Variants in MBTPS1 observed in about 807,000 individuals in gnomAD.
MBTPS1 encodes membrane bound transcription factor peptidase, site 1, also known as membrane-bound transcription factor site-1 protease.
MBTPS1 carries 94 observed loss-of-function variants against 127.8 expected under a neutral mutation model. The ratio of observed to expected loss-of-function variants is 0.74; its 90% CI spans 0.62 to 0.87. MBTPS1 has a LOEUF of 0.87. Ranked by LOEUF, MBTPS1 falls within the 40% of genes least tolerant of loss-of-function variation. MBTPS1 has a pLI of 0.00. For synonymous variants in MBTPS1, 632 were observed against 509.4 expected (o/e 1.24, Z -3.24); for missense variants, 1,636 against 1,353.2 (o/e 1.21, Z -3.28).
chr16:84,107,564 C>G (rs942060252), intron 1 of MBTPS1, among the ~76,000 whole-genome samples: 6 of 152,088 alleles, frequency 3.9e-5, no homozygotes, highest in Non-Finnish European at 8.8e-5. Flanking sequence ...GTTTCCCAAT[C>G]CTAGAATAAG....
chr16:84,077,260 AAAAGAAAAGAAAG>A (rs2085871911), intron 11 of MBTPS1, among the ~76,000 whole-genome samples: 1 of 148,300 alleles, frequency 6.7e-6, no homozygotes, highest in African/African-American at 2.5e-5. Context: ...AGAGAGAGAG[AAAAGAAAAGAAAG>A]AAAGAAAAGA....
At chr16:84,098,959 C>G in intron 3 of MBTPS1, 94 bp downstream of exon 3, 1 of 1,194,968 alleles carries the variant, frequency 8.4e-7, no homozygotes, top group Non-Finnish European at 1.2e-6. Flanking sequence ...TGGAAGGATG[C>G]GGATACTCAC....
At chr16:84,061,483 G>C (rs899553603) in intron 19 of MBTPS1, 1 of 152,410 alleles carries the variant, frequency 6.6e-6, no homozygotes, top group African/African-American at 2.4e-5. Context: ...AGAAGGGCCT[G>C]AGAGCGGGGT....
At chr16:84,091,343 G>A (rs1290873775) in intron 7 of MBTPS1, among the ~76,000 whole-genome samples, 4 of 152,082 alleles carry the variant, frequency 2.6e-5, no homozygotes, top group East Asian at 3.9e-4. Flanking sequence ...AAAATTAGCC[G>A]GGCATGGTGG....
At chr16:84,094,732 A>G (rs1440900209) in intron 4 of MBTPS1, among the ~76,000 whole-genome samples, 2 of 152,240 alleles carry the variant, frequency 1.3e-5, no homozygotes, top group East Asian at 3.8e-4. Context: ...TCTCATGACT[A>G]GAAAATTTGT....
At chr16:84,073,840 A>C (rs1212417185) in intron 12 of MBTPS1, among the ~76,000 whole-genome samples, 1 of 152,136 alleles carries the variant, frequency 6.6e-6, no homozygotes, top group Non-Finnish European at 1.5e-5. Context: ...CCCTGTCTCC[A>C]CTAAAAATGC....
intron 2 of MBTPS1, among the ~76,000 whole-genome samples, chr16:84,100,244 T>C (rs890801442): frequency 1.3e-5 from 2 of 151,514 alleles, no homozygotes; most frequent in African/African-American, 4.9e-5. Context: ...AAACAAAAAA[T>C]AAAAAAATTA....
intron 8 of MBTPS1, among the ~76,000 whole-genome samples, chr16:84,088,400 GAACGA>G (rs1488654514): frequency 6.6e-6 from 1 of 151,540 alleles, no homozygotes; most frequent in African/African-American, 2.4e-5. Flanking sequence ...TCATTCAGAG[GAACGA>G]ATAATGATTT....
rs533162172 is a variant in MBTPS1 at position 84,055,423 on chromosome 16, G to A, written c.2962+582C>T. Among the ~76,000 whole-genome samples the A allele has an allele frequency of 2.6e-3, 401 of 152,302 alleles. 6 individuals carry two copies. Among genetic ancestry groups the A allele is most frequent in the Middle Eastern group, 6.8e-3 (2 of 294 alleles). ...TAGAGCAAAAGAACTGCCCAGGCTC[G>A]GCTGGAAAGGCCTGGTACCAATTGC... is the stretch of plus-strand genomic sequence containing the variant. On this transcript the variant is annotated intron_variant, in intron 22 of 22. Transcript: ENST00000343411.
At chr16:84,070,964 T>C (rs1446945603) in intron 12 of MBTPS1, among the ~76,000 whole-genome samples, 188 bp from the exon 13 acceptor site, 1 of 152,212 alleles carries the variant, frequency 6.6e-6, no homozygotes, top group East Asian at 1.9e-4. Context: ...GCCTCGGACG[T>C]ATCACTAGAA....
chr16:84,092,731 C>T (rs1253110013), intron 6 of MBTPS1, among the ~76,000 whole-genome samples: 1 of 152,222 alleles, frequency 6.6e-6, no homozygotes, highest in Non-Finnish European at 1.5e-5. Context: ...AGTGAAGGAA[C>T]AAGGCTTGTA....
Position 84,068,512 on chromosome 16 carries a change from T to C in MBTPS1, c.1956-58A>G. The C allele has an allele frequency of 5.6e-6, 7 of 1,260,458 alleles. No homozygotes were observed. The South Asian group carries it at 7.2e-5, about 13-fold the overall frequency. 78.1% of individuals were successfully genotyped at this position (1,260,458 alleles called of 1,614,324 possible). On this transcript the variant is annotated intron_variant, in intron 14 of 22. Transcript: ENST00000343411. ...TCGATCTTTACTGGCAATAAAGGCA[T>C]ATCTGGCCACAGGGCCGGCTCTGCA...
chr16:84,062,730 C>A (rs2085631585), intron 19 of MBTPS1, among the ~76,000 whole-genome samples: 1 of 152,194 alleles, frequency 6.6e-6, no homozygotes, highest in Non-Finnish European at 1.5e-5. Context: ...GCCCCCAAAT[C>A]CAACGGATGC....
chr16:84,099,546 G>A (rs921475736), intron 2 of MBTPS1, among the ~76,000 whole-genome samples: 3 of 152,182 alleles, frequency 2.0e-5, no homozygotes, highest in African/African-American at 7.2e-5. Flanking sequence ...AGCACTTTGG[G>A]AGGCTGACGT....
At chr16:84,068,191 C>T (rs184795364) in intron 15 of MBTPS1, 148 bp downstream of exon 15, 30 of 636,354 alleles carry the variant, frequency 4.7e-5, no homozygotes, top group Non-Finnish European at 8.1e-5. Context: ...TGTTTCAGAG[C>T]CTCGCCCCAG....
chr16:84,056,045 G>C lies in MBTPS1; in HGVS notation c.2922C>G (p.Pro974=), dbSNP rs755848997. 1 of 1,613,908 alleles carries C rather than the reference G, an allele frequency of 6.2e-7. No individual in the cohort carries two copies. Among genetic ancestry groups the C allele is most frequent in the Admixed American group, 1.7e-5 (1 of 60,006 alleles). ...AGGCGCCGCTCTCTCCAGGGGACAA[G>C]GGCCTCACTTGAGGGCGATTCGATC... ...NFRSNRPQVR[P]LSPGESGAWD... is the part of the protein sequence containing the mutation. The change falls in exon 22 of 23, where the codon CCC becomes CCG. Residue 974 remains proline, a synonymous_variant. Coordinates refer to ENST00000343411, the MANE Select transcript of MBTPS1 (RefSeq NM_003791.4).
chr16:84,087,598 G>A (rs1237385751), intron 8 of MBTPS1, 138 bp from the exon 9 acceptor site: 14 of 617,682 alleles, frequency 2.3e-5, no homozygotes, highest in Admixed American at 1.1e-4. Flanking sequence ...GTGGGAAGAC[G>A]TGTGCAGCTC....
chr16:84,072,336 T>G (rs1013636694), intron 12 of MBTPS1, among the ~76,000 whole-genome samples: 1 of 151,644 alleles, frequency 6.6e-6, no homozygotes, highest in Non-Finnish European at 1.5e-5. Context: ...TGGCTGATAA[T>G]GGGTATAAGG....
intron 6 of MBTPS1, 61 bp from the exon 7 acceptor site, chr16:84,091,909 G>GT: frequency 1.1e-6 from 1 of 948,650 alleles, no homozygotes; most frequent in Non-Finnish European, 1.7e-6. Context: ...TGCTAGGACA[G>GT]TTTTTATTTC....
Sources: gnomAD v4.1 joint callset for allele counts (sites outside exome capture counted in the v4.1 genomes callset) on GRCh38, gnomAD v4.1.1 for gene constraint, MANE v1.5 for transcripts, NCBI Gene and HGNC (gene_info 2026-07-23, HGNC 2026-07-21) for gene names.